DOCK1: variants seen among roughly 807,000 people sequenced by gnomAD.
DOCK1 encodes dedicator of cytokinesis 1.
A neutral mutation model predicts 262.7 loss-of-function variants in DOCK1; 138 were observed. The observed-to-expected ratio is 0.53, with a 90% confidence interval of 0.46 to 0.61. DOCK1 has a LOEUF of 0.61. Ranked by LOEUF, DOCK1 falls within the 20% of genes least tolerant of loss-of-function variation. The pLI is 0.00. For missense variants in DOCK1, 1,908 were observed against 2,370.7 expected (o/e 0.80, Z 4.05); for synonymous variants, 866 against 867.4 (o/e 1.00, Z 0.03).
chr10:127,328,833 A>G (rs2062854616), intron 29 of DOCK1, among the ~76,000 whole-genome samples: 1 of 152,084 alleles, frequency 6.6e-6, no homozygotes, highest in South Asian at 2.1e-4. Flanking sequence ...AGTCACACCA[A>G]TGGTACAGAT....
intron 27 of DOCK1, among the ~76,000 whole-genome samples, chr10:127,231,910 C>T (rs1159293320): frequency 1.3e-5 from 2 of 152,152 alleles, no homozygotes; most frequent in Admixed American, 1.3e-4. Context: ...GTTCGTGTGT[C>T]ACCTAGGTAA....
At chr10:126,907,972 A>G (rs1239518417) in intron 1 of DOCK1, among the ~76,000 whole-genome samples, 1 of 152,240 alleles carries the variant, frequency 6.6e-6, no homozygotes, top group Non-Finnish European at 1.5e-5. Flanking sequence ...TTTGCCAGGA[A>G]ATGCTAGGAA....
chr10:127,186,504 ACCG>A (rs1368332714), intron 27 of DOCK1, among the ~76,000 whole-genome samples: 2 of 9,000 alleles, frequency 2.2e-4, no homozygotes, highest in Admixed American at 1.6e-3. Flanking sequence ...CATGGGAGAA[ACCG>A]CCCCCCCGCC....
intron 11 of DOCK1, 126 bp downstream of exon 11, chr10:127,008,930 C>T: frequency 1.0e-6 from 1 of 965,134 alleles, no homozygotes. Flanking sequence ...TTATGAAAAA[C>T]CTCTTTAGTC....
At chr10:127,040,963 G>A (rs2043976760) in intron 19 of DOCK1, among the ~76,000 whole-genome samples, 1 of 152,018 alleles carries the variant, frequency 6.6e-6, no homozygotes, top group Non-Finnish European at 1.5e-5. Flanking sequence ...CTGTCTCGAT[G>A]GATTTACCTG....
intron 11 of DOCK1, among the ~76,000 whole-genome samples, chr10:127,010,786 A>G (rs1383640556): frequency 6.6e-6 from 1 of 152,210 alleles, no homozygotes; most frequent in Non-Finnish European, 1.5e-5. Flanking sequence ...ATAATATTAA[A>G]TTGCCTCATT....
chr10:127,332,007 G>A (rs1228913135), intron 29 of DOCK1, among the ~76,000 whole-genome samples: 1 of 152,238 alleles, frequency 6.6e-6, no homozygotes, highest in Non-Finnish European at 1.5e-5. Flanking sequence ...GGGAGAGGAT[G>A]GAGGAACCGG....
At chr10:127,260,969 G>T (rs1263322038) in intron 29 of DOCK1, among the ~76,000 whole-genome samples, 2 of 43,378 alleles carry the variant, frequency 4.6e-5, no homozygotes, top group Non-Finnish European at 1.2e-4. Flanking sequence ...GTGCATGTGG[G>T]TGTGTGTGTG....
At chr10:126,945,277 A>C (rs2035306131) in intron 1 of DOCK1, among the ~76,000 whole-genome samples, 2 of 151,698 alleles carry the variant, frequency 1.3e-5, no homozygotes, top group South Asian at 4.2e-4. Flanking sequence ...CTGAGCTCAC[A>C]TGGTGGTGTT....
At chr10:126,939,571 C>T (rs2034833764) in intron 1 of DOCK1, among the ~76,000 whole-genome samples, 1 of 152,212 alleles carries the variant, frequency 6.6e-6, no homozygotes, top group Non-Finnish European at 1.5e-5. Context: ...TTTGTAGCAG[C>T]TTGATTTAGT....
intron 8 of DOCK1, 49 bp downstream of exon 8, chr10:126,998,298 G>A (rs1052109850): frequency 5.0e-6 from 8 of 1,609,470 alleles, no homozygotes; most frequent in African/African-American, 2.7e-5. Context: ...TTAGTGTTAG[G>A]AACTTGGGAT....
chr10:127,227,977 C>T (rs1485221690), intron 27 of DOCK1, among the ~76,000 whole-genome samples: 1 of 152,146 alleles, frequency 6.6e-6, no homozygotes, highest in Non-Finnish European at 1.5e-5. Context: ...TTTGAACCTT[C>T]CAGAAACCTG....
At chr10:127,054,183 G>T (rs190654393) in intron 22 of DOCK1, among the ~76,000 whole-genome samples, 14 of 152,288 alleles carry the variant, frequency 9.2e-5, no homozygotes, top group Non-Finnish European at 1.9e-4. Flanking sequence ...GAAGGGGGAA[G>T]AATTCAAAAT....
intron 23 of DOCK1, 79 bp downstream of exon 23, chr10:127,061,855 T>A (rs908769490): frequency 8.1e-6 from 9 of 1,105,796 alleles, no homozygotes; most frequent in Non-Finnish European, 1.1e-5. Flanking sequence ...GGTATTTTGA[T>A]TACAGTTAAT....
chr10:127,418,898 T>C (rs936050478), intron 45 of DOCK1, among the ~76,000 whole-genome samples: 9 of 152,122 alleles, frequency 5.9e-5, no homozygotes, highest in South Asian at 2.1e-4. Context: ...ACTAGGGAGG[T>C]AGCGCTTTGA....
intron 17 of DOCK1, 124 bp downstream of exon 17, chr10:127,031,877 G>A: frequency 1.0e-6 from 1 of 956,660 alleles, no homozygotes; most frequent in Non-Finnish European, 1.6e-6. Context: ...ATTTAATTAT[G>A]CAAATGAACA....
intron 44 of DOCK1, among the ~76,000 whole-genome samples, chr10:127,417,898 G>A (rs11017990): frequency 4.6e-5 from 7 of 152,020 alleles, no homozygotes; most frequent in African/African-American, 1.7e-4. Context: ...TCACATGATG[G>A]TGTGTGGTGC....
chr10:127,266,480 AACACACACACAC>A (rs68190118), intron 29 of DOCK1, among the ~76,000 whole-genome samples: 3 of 149,172 alleles, frequency 2.0e-5, no homozygotes, highest in African/African-American at 5.0e-5. Flanking sequence ...TAAGTACCAA[AACACACACACAC>A]ACACACACAC....
intron 29 of DOCK1, among the ~76,000 whole-genome samples, 183 bp from the exon 30 acceptor site, chr10:127,338,823 T>A (rs927206649): frequency 6.6e-6 from 1 of 152,236 alleles, no homozygotes; most frequent in Non-Finnish European, 1.5e-5. Context: ...TTTCCTTGAT[T>A]AATTTGGAGA....
Sources: allele counts gnomAD v4.1 joint callset (sites outside exome capture counted in the v4.1 genomes callset), GRCh38; gene constraint gnomAD v4.1.1; transcripts MANE v1.5; gene names NCBI Gene and HGNC (gene_info 2026-07-23, HGNC 2026-07-21).